The following LAMC3 variants were observed in gnomAD, a reference collection of about 807,000 sequenced individuals.
LAMC3 encodes laminin subunit gamma 3.
Under a neutral mutation model 173.8 loss-of-function variants are expected in LAMC3, and 128 were observed. That is an observed-to-expected ratio of 0.74 (90% CI 0.64 to 0.85). The LOEUF is 0.85. LAMC3 is among the 40% of genes least tolerant of loss of function. The pLI is 0.00. For missense variants in LAMC3, 2,022 were observed against 2,156.0 expected (o/e 0.94, Z 1.23); for synonymous variants, 897 against 909.1 (o/e 0.99, Z 0.24).
At chr9:131,089,543 A>G (rs76567710) in intron 27 of LAMC3, among the ~76,000 whole-genome samples, 1 of 68,090 alleles carries the variant, frequency 1.5e-5, no homozygotes. Context: ...ACACCCAGCT[A>G]ATTTTTTTTT....
At chr9:131,066,270 C>G (rs1330491607) in intron 13 of LAMC3, among the ~76,000 whole-genome samples, 1 of 151,884 alleles carries the variant, frequency 6.6e-6, no homozygotes, top group Non-Finnish European at 1.5e-5. Context: ...GCGGGCAGAT[C>G]ACTTAAGTCC....
At chr9:131,087,336 A>C (rs546922612) in intron 25 of LAMC3, 140 bp from the exon 26 acceptor site, 1 of 1,097,964 alleles carries the variant, frequency 9.1e-7, no homozygotes, top group African/African-American at 1.5e-5. Context: ...CATTCAGTAC[A>C]TATTTGTTGC....
chr9:131,019,374 C>T (rs1000825528), intron 1 of LAMC3, among the ~76,000 whole-genome samples: 5 of 152,220 alleles, frequency 3.3e-5, no homozygotes, highest in African/African-American at 1.2e-4. Flanking sequence ...ACCTAGCACA[C>T]AAGAGGTGCC....
chr9:131,065,261 T>C (rs1032533915), intron 13 of LAMC3, among the ~76,000 whole-genome samples: 4 of 152,124 alleles, frequency 2.6e-5, no homozygotes, highest in African/African-American at 9.7e-5. Context: ...AGTAGACCTC[T>C]AGAACCACCC....
rs773329645 is a variant in LAMC3, at chr9:131,091,718, C to G, written c.4659C>G (p.Ile1553Met). The change falls in exon 28 of 28, where the codon ATC (isoleucine) becomes ATG (methionine). Residue 1553 changes from isoleucine (I) to methionine (M), a missense_variant. Ile to Met is a conservative substitution (Grantham distance 10). Transcript: ENST00000361069. ...IQGFESDLAE[I>M]RADKQNLEAI... ...GCTTCGAGAGTGACCTCGCCGAGAT[C>G]CGCGCCGACAAACAGAACCTGGAGG... 1.2e-6 allele frequency: 2 copies of G among 1,612,770 alleles called. No individual in the cohort carries two copies. The highest frequency in any genetic ancestry group is 1.3e-5 in the African/African-American group (1 of 74,912).
chr9:131,044,237 C>T (rs914665886), intron 7 of LAMC3, among the ~76,000 whole-genome samples: 1 of 151,290 alleles, frequency 6.6e-6, no homozygotes, highest in Non-Finnish European at 1.5e-5. Flanking sequence ...GCCGGCCAGG[C>T]GCGGTGGCTC....
intron 15 of LAMC3, 110 bp from the exon 16 acceptor site, chr9:131,068,798 C>A: frequency 8.4e-7 from 1 of 1,191,156 alleles, no homozygotes; most frequent in African/African-American, 1.5e-5. Flanking sequence ...GAGATGGGGT[C>A]TTGTCAGCAG....
At chr9:131,045,810 GA>G (rs1383012525) in intron 8 of LAMC3, 150 bp downstream of exon 8, 1 of 972,164 alleles carries the variant, frequency 1.0e-6, no homozygotes, top group African/African-American at 1.6e-5. Context: ...GGGGTGAGAT[GA>G]TGGCTCCCCA....
At position 131,009,549 on chromosome 9, in the gene LAMC3, T is replaced by C. The variant is rs1386352394; in HGVS notation, c.335T>C (p.Val112Ala). The C allele has an allele frequency of 1.3e-6, 2 of 1,569,068 alleles. No individual in the cohort carries two copies. The highest frequency in any genetic ancestry group is 1.7e-6 in the Non-Finnish European group (2 of 1,157,774). Residue 112 changes from valine to alanine, a missense_variant, in exon 1 of 28, where the codon GTG becomes GCG. Val to Ala is a moderately conservative substitution (Grantham distance 64). Transcript: ENST00000361069. The surrounding 1 kb of genome is among the most constrained non-coding windows in gnomAD (Gnocchi z 4.3). ...WWQSPSMAFG[V>A]QYPTSVNITL... ...CAGAGCCCGTCCATGGCCTTCGGCG[T>C]GCAGTACCCCACCTCGGTCAACATC...
intron 13 of LAMC3, among the ~76,000 whole-genome samples, chr9:131,065,001 A>G (rs1168475216): frequency 6.9e-6 from 1 of 144,240 alleles, no homozygotes; most frequent in Non-Finnish European, 1.5e-5. Flanking sequence ...AGATGGTGCC[A>G]TTGCACTCCA....
rs775132938 is a variant in LAMC3, at chr9:131,082,142, T to C, written c.4011T>C (p.Thr1337=). ...AATVTVMGAR[T]LLADLEGMKL... ...CAGTGACTGTCATGGGAGCCAGGACTCTGCTGGCTGATCTGGAAGGTACGT... is the reference window on the plus strand; with the variant it reads ...CAGTGACTGTCATGGGAGCCAGGACCCTGCTGGCTGATCTGGAAGGTACGT... Residue 1337 remains threonine (T), a synonymous_variant, in exon 24 of 28, where the codon ACT becomes ACC. Coordinates refer to ENST00000361069, the MANE Select transcript of LAMC3 (RefSeq NM_006059.4). 3.7e-5 allele frequency: 60 copies of C among 1,612,978 alleles called. No individual in the cohort carries two copies. The highest frequency in any genetic ancestry group is 4.7e-5 in the Non-Finnish European group (55 of 1,179,316).
At chr9:131,016,546 T>A (rs1009214871) in intron 1 of LAMC3, among the ~76,000 whole-genome samples, 1 of 152,208 alleles carries the variant, frequency 6.6e-6, no homozygotes, top group Non-Finnish European at 1.5e-5. Context: ...AGGGTCCTAA[T>A]GCATGAAAAC....
At chr9:131,057,752 G>T (rs1387321571) in intron 12 of LAMC3, among the ~76,000 whole-genome samples, 2 of 152,186 alleles carry the variant, frequency 1.3e-5, no homozygotes, top group Non-Finnish European at 2.9e-5. Context: ...GTCAGGAGAC[G>T]CTCAGGCTCT....
At position 131,087,701 on chromosome 9, in the gene LAMC3, C is replaced by T. The variant is rs776955176; in HGVS notation, c.4378-17C>T. 2 of 1,613,668 alleles carry T rather than the reference C, an allele frequency of 1.2e-6. No individual in the cohort carries two copies. Among genetic ancestry groups the T allele is most frequent in the Admixed American group, 3.3e-5 (2 of 60,022 alleles). On this transcript the variant is annotated splice_polypyrimidine_tract_variant and intron_variant, in intron 26 of 27. Transcript: ENST00000361069. ...GGGGACGCCATTCAAGCTGTTTCTTCCTCCTCCCCCTGAAAGGTGGGTGCT... is the reference window on the plus strand; with the variant it reads ...GGGGACGCCATTCAAGCTGTTTCTTTCTCCTCCCCCTGAAAGGTGGGTGCT...
intron 19 of LAMC3, 53 bp from the exon 20 acceptor site, chr9:131,073,192 T>C: frequency 1.5e-6 from 2 of 1,362,758 alleles, no homozygotes; most frequent in Non-Finnish European, 2.1e-6. Flanking sequence ...GATGTGGCCC[T>C]TACCCTTTGG....
At chr9:131,081,380 T>C (rs1830235369) in intron 23 of LAMC3, among the ~76,000 whole-genome samples, 1 of 152,178 alleles carries the variant, frequency 6.6e-6, no homozygotes. Flanking sequence ...TAAGTCAAGG[T>C]GGTGTCATAA....
chr9:131,066,912 G>A, intron 13 of LAMC3, 48 bp from the exon 14 acceptor site: 5 of 1,607,386 alleles, frequency 3.1e-6, no homozygotes, highest in Non-Finnish European at 2.5e-6. Context: ...CTCATCCCTG[G>A]TGGGTCCAGC....
rs1408038983 is a variant in LAMC3 at position 131,037,688 on chromosome 9, T to A, written c.977-1176T>A. 2.6e-5 allele frequency among the ~76,000 whole-genome samples: 4 copies of A among 152,300 alleles called. No individual in the cohort carries two copies. In the East Asian group the frequency reaches 7.7e-4, roughly 29 times the overall value. The stretch of plus-strand genomic sequence containing the variant: ...CAAGCAATGTTTTATAGAGCTCGGC[T>A]CTCACTGTTGCCCAGGCTGGTCTTT... On this transcript the variant is annotated intron_variant, in intron 4 of 27. Coordinates refer to ENST00000361069, the MANE Select transcript of LAMC3 (RefSeq NM_006059.4).
chr9:131,068,178 C>T lies in LAMC3; in HGVS notation c.2694C>T (p.Cys898=). The part of the protein sequence containing the change: ...SCLPHVTARD[C]SRCYPGFFDL... ...TGCCTCATGTGACTGCACGGGACTG[C>T]AGCCGCTGCTACCCTGGCTTCTTCG... The change falls in exon 15 of 28, where the codon TGC becomes TGT. Residue 898 remains cysteine, a synonymous_variant. Coordinates refer to ENST00000361069, the MANE Select transcript of LAMC3 (RefSeq NM_006059.4). 6.2e-7 allele frequency: 1 copy of T among 1,613,240 alleles called. No homozygotes were observed.
Sources: gnomAD v4.1 joint callset for allele counts (sites outside exome capture counted in the v4.1 genomes callset) on GRCh38, gnomAD v4.1.1 for gene constraint, Gnocchi (gnomAD v3.1) non-coding constraint, MANE v1.5 for transcripts, NCBI Gene and HGNC (gene_info 2026-07-23, HGNC 2026-07-21) for gene names.